The following ZNF148 variants were observed in gnomAD, a reference collection of about 807,000 sequenced individuals.
The protein encoded by ZNF148 is zinc finger protein 148, also known as Beta-Enolase Repressor Factor-1.
ZNF148 carries 7 observed loss-of-function variants against 67.7 expected under a neutral mutation model. The observed-to-expected ratio is 0.10, with a 90% CI of 0.06 to 0.19. ZNF148 has a LOEUF of 0.19. Among genes scored for constraint, ZNF148 ranks in the 10% least tolerant of loss-of-function variants. The pLI is 1.00. For missense variants in ZNF148, 583 were observed against 947.1 expected (o/e 0.62, Z 5.05); for synonymous variants, 333 against 330.7 (o/e 1.01, Z -0.08).
intron 7 of ZNF148, among the ~76,000 whole-genome samples, chr3:125,241,909 A>G (rs1936382079): frequency 6.6e-6 from 1 of 152,206 alleles, no homozygotes; most frequent in Admixed American, 6.5e-5. Context: ...ATAACTCACT[A>G]TGTTGTCAAA....
intron 2 of ZNF148, among the ~76,000 whole-genome samples, chr3:125,323,679 G>A (rs553370650): frequency 6.6e-6 from 1 of 152,222 alleles, no homozygotes; most frequent in African/African-American, 2.4e-5. Context: ...AACAATTGCC[G>A]GCCAGTCGCA....
At chr3:125,236,540 G>A (rs965889706) in intron 7 of ZNF148, among the ~76,000 whole-genome samples, 9 of 152,090 alleles carry the variant, frequency 5.9e-5, no homozygotes, top group Admixed American at 3.3e-4. Context: ...GTTGGGGGTG[G>A]GGAGGGAAAT....
chr3:125,289,383 G>A (rs1938882801), intron 4 of ZNF148, among the ~76,000 whole-genome samples: 1 of 152,192 alleles, frequency 6.6e-6, no homozygotes, highest in Non-Finnish European at 1.5e-5. Context: ...TGCAGGCCAT[G>A]TGAGAATCAC....
chr3:125,255,496 C>T (rs182508419), intron 7 of ZNF148, among the ~76,000 whole-genome samples: 86 of 152,194 alleles, frequency 5.7e-4, no homozygotes, highest in Non-Finnish European at 1.1e-3. Flanking sequence ...ATCCACCTGC[C>T]TCCACCTCAC....
At position 125,368,259 on chromosome 3, in the gene ZNF148, T is replaced by A. The variant is rs1942761894; in HGVS notation, c.-234+6843A>T. On this transcript the variant is annotated intron_variant, in intron 1 of 8. Transcript: ENST00000360647. Reference sequence around the variant, plus strand: ...CTGAGAAAAATGAGTTTTTAAAAAATTTATTTACACATTCAAATCAGTATG... The same window carrying A: ...CTGAGAAAAATGAGTTTTTAAAAAAATTATTTACACATTCAAATCAGTATG... 2.0e-5 allele frequency among the ~76,000 whole-genome samples: 3 copies of A among 152,216 alleles called. No individual in the cohort carries two copies. The South Asian group carries it at 6.2e-4, about 32-fold the overall frequency.
At chr3:125,326,793 G>T (rs1470346277) in intron 2 of ZNF148, among the ~76,000 whole-genome samples, 3 of 144,188 alleles carry the variant, frequency 2.1e-5, no homozygotes, top group East Asian at 4.0e-4. Context: ...CATACATCAA[G>T]ATATCTTTTT....
intron 7 of ZNF148, among the ~76,000 whole-genome samples, chr3:125,253,924 C>T (rs972503100): frequency 1.3e-5 from 2 of 152,104 alleles, no homozygotes; most frequent in East Asian, 3.8e-4. Context: ...ATGATGGTTT[C>T]ATAAAACAAA....
chr3:125,264,388 T>C (rs1303285265), intron 7 of ZNF148, among the ~76,000 whole-genome samples: 2 of 152,178 alleles, frequency 1.3e-5, no homozygotes, highest in East Asian at 1.9e-4. Flanking sequence ...AACTGTATAA[T>C]AGGACAGCCG....
intron 7 of ZNF148, among the ~76,000 whole-genome samples, chr3:125,260,787 A>T (rs534480704): frequency 6.6e-6 from 1 of 152,244 alleles, no homozygotes; most frequent in South Asian, 2.1e-4. Flanking sequence ...TCAACAACAC[A>T]TATTTCCCTT....
At chr3:125,247,506 A>T (rs1936653724) in intron 7 of ZNF148, among the ~76,000 whole-genome samples, 1 of 151,970 alleles carries the variant, frequency 6.6e-6, no homozygotes, top group Admixed American at 6.6e-5. Flanking sequence ...GCGCAACCTC[A>T]GCTCACCACA....
At position 125,355,567 on chromosome 3, in the gene ZNF148, G is replaced by A. The variant is rs527756846; in HGVS notation, c.-234+19535C>T. On this transcript the variant is annotated intron_variant, in intron 1 of 8. Coordinates refer to ENST00000360647, the MANE Select transcript of ZNF148 (RefSeq NM_021964.3). ...TTGTGATATAGGAGGAATGGCATAA[G>A]AAAAGACAGGAATGTTTTCCAGCAA... is the stretch of plus-strand genomic sequence containing the variant. Among the ~76,000 whole-genome samples, 3 of 152,238 alleles carry A rather than the reference G, an allele frequency of 2.0e-5. No individual in the cohort carries two copies. The East Asian group carries it at 5.8e-4, about 29-fold the overall frequency.
intron 5 of ZNF148, 141 bp from the exon 6 acceptor site, chr3:125,279,388 CT>C: frequency 1.4e-6 from 1 of 717,852 alleles, no homozygotes; most frequent in East Asian, 3.0e-5. Context: ...CTTGAAAAGA[CT>C]ATTAGAATAA....
At chr3:125,320,488 C>A (rs537143138) in intron 3 of ZNF148, among the ~76,000 whole-genome samples, 30 of 152,232 alleles carry the variant, frequency 2.0e-4, no homozygotes, top group African/African-American at 6.0e-4. Context: ...AGAGATCCTA[C>A]GTTTCTGTTT....
intron 7 of ZNF148, among the ~76,000 whole-genome samples, chr3:125,268,401 A>T (rs1579663306): frequency 3.9e-5 from 6 of 152,200 alleles, no homozygotes; most frequent in Admixed American, 3.9e-4. Context: ...CCAGAAAAAA[A>T]AGCTGCACAC....
At position 125,350,012 on chromosome 3, in the gene ZNF148, C is replaced by A. The variant is rs376600227; in HGVS notation, c.-233-18774G>T. Among the ~76,000 whole-genome samples the A allele has an allele frequency of 2.0e-5, 3 of 152,124 alleles. No homozygotes were observed. In the South Asian group the frequency reaches 6.2e-4, roughly 32 times the overall value. The stretch of plus-strand genomic sequence containing the variant: ...TTGGCAAGGATGGAGAAATTGTAAA[C>A]CCTGTGTACTGTTCATAGGAATGCA... On this transcript the variant is annotated intron_variant, in intron 1 of 8. Coordinates refer to ENST00000360647, the MANE Select transcript of ZNF148 (RefSeq NM_021964.3).
intron 7 of ZNF148, among the ~76,000 whole-genome samples, chr3:125,262,141 C>A (rs185195640): frequency 6.6e-6 from 1 of 152,012 alleles, no homozygotes; most frequent in African/African-American, 2.4e-5. Flanking sequence ...TCTTTGAAAC[C>A]GTCTTGTCAC....
At chr3:125,294,371 A>T (rs1171251803) in intron 4 of ZNF148, among the ~76,000 whole-genome samples, 1 of 152,234 alleles carries the variant, frequency 6.6e-6, no homozygotes, top group East Asian at 1.9e-4. Context: ...CTATTTCACC[A>T]ATGTTAAATT....
chr3:125,258,445 A>AAAAG (rs869187911), intron 7 of ZNF148, among the ~76,000 whole-genome samples: 79 of 144,862 alleles, frequency 5.5e-4, no homozygotes, highest in African/African-American at 7.1e-4. Context: ...AAAAAAAAAA[A>AAAAG]GGGGGATAGC....
intron 5 of ZNF148, among the ~76,000 whole-genome samples, chr3:125,286,878 G>GT (rs1319519987): frequency 2.0e-5 from 3 of 152,110 alleles, no homozygotes; most frequent in Admixed American, 6.5e-5. Context: ...TAGTCTCTAT[G>GT]TTTTTCAAAA....
Sources: gnomAD v4.1 joint callset for allele counts (sites outside exome capture counted in the v4.1 genomes callset) on GRCh38, gnomAD v4.1.1 for gene constraint, MANE v1.5 for transcripts, NCBI Gene and HGNC (gene_info 2026-07-23, HGNC 2026-07-21) for gene names.